The following ADAMTSL3 variants were observed in gnomAD, a reference collection of about 807,000 sequenced individuals.
ADAMTSL3 encodes the protein ADAMTS like 3, also known as ADAMTS-like protein 3.
A neutral mutation model predicts 201.7 loss-of-function variants in ADAMTSL3; 128 were observed. The observed-to-expected ratio is 0.63, with a 90% CI of 0.55 to 0.73. The LOEUF (loss-of-function observed/expected upper bound fraction) is 0.73. Among genes scored for constraint, ADAMTSL3 ranks in the 30% least tolerant of loss-of-function variants. The pLI is 0.00. For missense variants in ADAMTSL3, 1,990 were observed against 2,119.6 expected (o/e 0.94, Z 1.20); for synonymous variants, 738 against 748.4 (o/e 0.99, Z 0.23).
At chr15:83,905,302 C>T (rs1447660055) in intron 15 of ADAMTSL3, among the ~76,000 whole-genome samples, 1 of 152,170 alleles carries the variant, frequency 6.6e-6, no homozygotes, top group African/African-American at 2.4e-5. Flanking sequence ...TATTCGGGAT[C>T]AGGGATGGTT....
intron 27 of ADAMTSL3, among the ~76,000 whole-genome samples, chr15:84,030,134 A>G (rs2068377458): frequency 6.6e-6 from 1 of 152,220 alleles, no homozygotes; most frequent in Non-Finnish European, 1.5e-5. Context: ...GCCTCCACAC[A>G]GAGTCTCCAC....
At chr15:83,793,968 A>G (rs1464145244) in intron 4 of ADAMTSL3, among the ~76,000 whole-genome samples, 1 of 152,212 alleles carries the variant, frequency 6.6e-6, no homozygotes, top group Non-Finnish European at 1.5e-5. Context: ...CAACAATTAA[A>G]AATCAAACAT....
At chr15:83,900,437 C>T (rs895209388) in intron 15 of ADAMTSL3, among the ~76,000 whole-genome samples, 8 of 152,210 alleles carry the variant, frequency 5.3e-5, no homozygotes, top group African/African-American at 1.9e-4. Flanking sequence ...AGCAAGAAAT[C>T]AAAGGTGCTC....
intron 23 of ADAMTSL3, among the ~76,000 whole-genome samples, chr15:83,995,308 A>C (rs1280171953): frequency 6.6e-6 from 1 of 152,230 alleles, no homozygotes; most frequent in Non-Finnish European, 1.5e-5. Context: ...TAATAGATGT[A>C]GACAAAGCAT....
chr15:84,021,115 G>A (rs2068197403), intron 25 of ADAMTSL3, among the ~76,000 whole-genome samples: 1 of 152,142 alleles, frequency 6.6e-6, no homozygotes, highest in Admixed American at 6.5e-5. Context: ...CCACTGCTGA[G>A]AGTGCCTCCT....
At chr15:83,779,665 T>C (rs1319393187) in intron 4 of ADAMTSL3, among the ~76,000 whole-genome samples, 2 of 123,770 alleles carry the variant, frequency 1.6e-5, no homozygotes, top group African/African-American at 3.3e-5. Flanking sequence ...AACACTGCAC[T>C]CCAGCCTGGG....
intron 6 of ADAMTSL3, among the ~76,000 whole-genome samples, chr15:83,833,482 A>G (rs1200844151): frequency 6.6e-6 from 1 of 152,174 alleles, no homozygotes; most frequent in African/African-American, 2.4e-5. Context: ...AGTACCATCA[A>G]CTTGAGGGTT....
At chr15:83,660,102 A>G (rs973234619) in intron 2 of ADAMTSL3, among the ~76,000 whole-genome samples, 1 of 152,172 alleles carries the variant, frequency 6.6e-6, no homozygotes, top group African/African-American at 2.4e-5. Context: ...TGCTGCCACC[A>G]ACACAGGCAT....
intron 3 of ADAMTSL3, among the ~76,000 whole-genome samples, chr15:83,705,888 A>G (rs2061843933): frequency 6.6e-6 from 1 of 152,128 alleles, no homozygotes; most frequent in African/African-American, 2.4e-5. Flanking sequence ...AAATGTCAAC[A>G]TTCAATCATA....
chr15:83,887,852 A>G (rs1444646937), intron 10 of ADAMTSL3, among the ~76,000 whole-genome samples: 1 of 152,172 alleles, frequency 6.6e-6, no homozygotes, highest in African/African-American at 2.4e-5. Flanking sequence ...CAGCCTCTCG[A>G]GTAGCTGGGA....
chr15:83,752,920 T>C (rs1475496717), intron 3 of ADAMTSL3, among the ~76,000 whole-genome samples: 1 of 152,218 alleles, frequency 6.6e-6, no homozygotes, highest in African/African-American at 2.4e-5. Context: ...TTCAGCTCAA[T>C]TGACACCTTC....
intron 23 of ADAMTSL3, among the ~76,000 whole-genome samples, chr15:84,010,498 A>G (rs1444863194): frequency 6.6e-6 from 1 of 152,232 alleles, no homozygotes; most frequent in African/African-American, 2.4e-5. Context: ...TCATTTATGC[A>G]TTCAGCAAAC....
chr15:83,908,403 T>C (rs2141946896), intron 15 of ADAMTSL3, among the ~76,000 whole-genome samples: 1 of 152,376 alleles, frequency 6.6e-6, no homozygotes, highest in East Asian at 1.9e-4. Context: ...CTGATGTTAC[T>C]TTTTTATTTT....
intron 2 of ADAMTSL3, among the ~76,000 whole-genome samples, chr15:83,694,617 A>G (rs1320363550): frequency 6.6e-6 from 1 of 152,092 alleles, no homozygotes; most frequent in Non-Finnish European, 1.5e-5. Context: ...GAGGATCTGC[A>G]TTGTGTATAT....
intron 2 of ADAMTSL3, among the ~76,000 whole-genome samples, chr15:83,704,067 A>G (rs2141502674): frequency 6.6e-6 from 1 of 152,178 alleles, no homozygotes; most frequent in South Asian, 2.1e-4. Context: ...GATTTGCAAC[A>G]ACAAGACAAA....
At chr15:83,835,966 A>G (rs1307817285) in intron 6 of ADAMTSL3, among the ~76,000 whole-genome samples, 1 of 152,252 alleles carries the variant, frequency 6.6e-6, no homozygotes, top group East Asian at 1.9e-4. Context: ...AGTAATGTTT[A>G]GATTCCTTAT....
intron 19 of ADAMTSL3, among the ~76,000 whole-genome samples, chr15:83,947,359 C>T (rs1451369365): frequency 6.6e-6 from 1 of 152,262 alleles, no homozygotes; most frequent in Non-Finnish European, 1.5e-5. Flanking sequence ...TAGCTCTATT[C>T]ATGATATGTT....
intron 8 of ADAMTSL3, among the ~76,000 whole-genome samples, chr15:83,859,533 C>T (rs550311093): frequency 1.3e-5 from 2 of 152,338 alleles, no homozygotes; most frequent in Non-Finnish European, 2.9e-5. Flanking sequence ...GGGAACCATA[C>T]ATCCTGTGAC....
At chr15:83,703,182 C>A (rs2141498818) in intron 2 of ADAMTSL3, among the ~76,000 whole-genome samples, 1 of 152,248 alleles carries the variant, frequency 6.6e-6, no homozygotes, top group Non-Finnish European at 1.5e-5. Context: ...TGTGTTTATC[C>A]AATACCTATA....
Sources: allele counts gnomAD v4.1 joint callset (sites outside exome capture counted in the v4.1 genomes callset), GRCh38; gene constraint gnomAD v4.1.1; transcripts MANE v1.5; gene names NCBI Gene and HGNC (gene_info 2026-07-23, HGNC 2026-07-21).